The following IL1RL2 variants were observed in gnomAD, a reference collection of about 807,000 sequenced individuals.
IL1RL2 encodes interleukin-1 receptor-like 2.
IL1RL2 carries 68 observed loss-of-function variants against 66.8 expected under a neutral mutation model. The ratio of observed to expected loss-of-function variants is 1.02; its 90% confidence interval spans 0.84 to 1.25. The LOEUF (loss-of-function observed/expected upper bound fraction) is 1.25. IL1RL2 is among the 50% of genes most tolerant of loss of function. IL1RL2 has a pLI of 0.00. For synonymous variants in IL1RL2, 305 were observed against 264.6 expected (o/e 1.15, Z -1.48); for missense variants, 729 against 709.3 (o/e 1.03, Z -0.32).
chr2:102,216,426 C>T (rs766865132), intron 6 of IL1RL2, among the ~76,000 whole-genome samples: 11 of 151,966 alleles, frequency 7.2e-5, no homozygotes, highest in East Asian at 1.9e-4. Context: ...CTTCACTTTT[C>T]GTGTATATGT....
chr2:102,235,037 G>C lies in IL1RL2; in HGVS notation c.1438G>C (p.Gly480Arg). 1.2e-6 allele frequency: 2 copies of C among 1,614,152 alleles called. No individual in the cohort carries two copies. Among genetic ancestry groups the C allele is most frequent in the South Asian group, 1.1e-5 (1 of 91,088 alleles). ...IAVYSALIQDGMKVILIELEK... is the reference protein window; with the variant it reads ...IAVYSALIQDRMKVILIELEK... ...GGTCTACAGTGCCCTGATCCAGGAC[G>C]GGATGAAGGTTATTCTCATTGAGCT... Residue 480 changes from glycine (G) to arginine (R), a missense_variant, in exon 11 of 12, where the codon GGG (glycine) becomes CGG (arginine). Physicochemically the swap from Gly to Arg is moderately radical, Grantham distance 125. Coordinates refer to ENST00000264257, the MANE Select transcript of IL1RL2 (RefSeq NM_003854.4).
Position 102,187,027 on chromosome 2 carries a change from G to A in IL1RL2, c.-72G>A, listed in dbSNP as rs1208045825. On this transcript the variant is annotated 5_prime_UTR_variant, in exon 1 of 12. It adds an upstream start codon to the 5' untranslated region. Coordinates refer to ENST00000264257, the MANE Select transcript of IL1RL2 (RefSeq NM_003854.4). ...GCATGGAAGTGGCATGACAGGGCTCGTGTCCCTGTCATATTTTCCACTCTC... is the reference window on the plus strand; with the variant it reads ...GCATGGAAGTGGCATGACAGGGCTCATGTCCCTGTCATATTTTCCACTCTC... 7.8e-6 allele frequency: 10 copies of A among 1,289,746 alleles called. No individual in the cohort carries two copies. Among genetic ancestry groups the A allele is most frequent in the Admixed American group, 4.6e-5 (2 of 43,564 alleles). The allele number at this position is 1,289,746 out of a possible 1,614,324, so 79.9% of individuals were successfully genotyped here.
Position 102,188,958 on chromosome 2 carries a change from C to G in IL1RL2, c.59-118C>G, listed in dbSNP as rs539217789. ...AGGAAACTTCCAGACTCAAGAAACT[C>G]CCAAATAAAATTTCAAATTGGCTGG... On this transcript the variant is annotated intron_variant, in intron 2 of 11. Coordinates refer to ENST00000264257, the MANE Select transcript of IL1RL2 (RefSeq NM_003854.4). The G allele has an allele frequency of 4.3e-6, 3 of 699,928 alleles. No individual in the cohort carries two copies. In the African/African-American group the frequency reaches 5.4e-5, roughly 13 times the overall value. 43.4% of individuals were successfully genotyped at this position (699,928 alleles called of 1,614,324 possible).
downstream of IL1RL2, among the ~76,000 whole-genome samples, chr2:102,241,233 T>C (rs1675223191): frequency 6.6e-6 from 1 of 152,252 alleles, no homozygotes; most frequent in African/African-American, 2.4e-5. Context: ...TTCCTAACTC[T>C]TGGGCTTCTG....
intron 8 of IL1RL2, among the ~76,000 whole-genome samples, chr2:102,223,071 T>G (rs1298982614): frequency 6.6e-6 from 1 of 152,206 alleles, no homozygotes; most frequent in Non-Finnish European, 1.5e-5. Context: ...GTCAAGCTTG[T>G]GGAGGGATGG....
chr2:102,201,049 A>G (rs1470406498), intron 4 of IL1RL2, among the ~76,000 whole-genome samples: 1 of 152,082 alleles, frequency 6.6e-6, no homozygotes, highest in Non-Finnish European at 1.5e-5. Flanking sequence ...AGCAGTTGTT[A>G]TTCACCTGGG....
chr2:102,230,782 G>A (rs1234930146), intron 9 of IL1RL2, among the ~76,000 whole-genome samples: 1 of 152,202 alleles, frequency 6.6e-6, no homozygotes, highest in Non-Finnish European at 1.5e-5. Flanking sequence ...ACCATTCTCT[G>A]TAAGAGATGG....
intron 4 of IL1RL2, among the ~76,000 whole-genome samples, chr2:102,200,998 G>A (rs1344368508): frequency 6.6e-6 from 1 of 152,150 alleles, no homozygotes; most frequent in Non-Finnish European, 1.5e-5. Context: ...TCCAATGCTT[G>A]ATAAGTGCAG....
chr2:102,220,677 G>A (rs532105737), intron 8 of IL1RL2, among the ~76,000 whole-genome samples: 6 of 115,838 alleles, frequency 5.2e-5, no homozygotes, highest in Admixed American at 4.8e-4. Context: ...TATCATTAGT[G>A]TATGTGTGTG....
chr2:102,235,975 C>T, intron 11 of IL1RL2: 1 of 981,156 alleles, frequency 1.0e-6, no homozygotes, highest in Non-Finnish European at 1.2e-6. Context: ...TTCCTTTTCT[C>T]TCTCTTTTAG....
intron 7 of IL1RL2, 74 bp from the exon 8 acceptor site, chr2:102,219,807 T>C: frequency 7.1e-7 from 1 of 1,415,946 alleles, no homozygotes; most frequent in South Asian, 1.3e-5. Flanking sequence ...ACACTTTATC[T>C]CCAGAAAACA....
intron 8 of IL1RL2, among the ~76,000 whole-genome samples, chr2:102,223,866 G>A (rs1268416752): frequency 6.6e-6 from 1 of 152,202 alleles, no homozygotes. Context: ...GGATGAGGAA[G>A]CAGGAAGGAT....
intron 5 of IL1RL2, among the ~76,000 whole-genome samples, chr2:102,209,607 G>T (rs1316390440): frequency 1.3e-5 from 2 of 152,200 alleles, no homozygotes; most frequent in Admixed American, 1.3e-4. Flanking sequence ...AGGTCATGGA[G>T]TTAAGCAGGG....
intron 10 of IL1RL2, among the ~76,000 whole-genome samples, chr2:102,234,438 A>T (rs1674659648): frequency 7.5e-6 from 1 of 134,092 alleles, no homozygotes; most frequent in Admixed American, 8.0e-5. Context: ...GACAAATATT[A>T]AAAAAAAGAA....
intron 11 of IL1RL2, among the ~76,000 whole-genome samples, chr2:102,236,126 T>C (rs536088830): frequency 3.3e-5 from 5 of 152,314 alleles, no homozygotes; most frequent in African/African-American, 1.2e-4. Flanking sequence ...AACTTAATGA[T>C]TAAAGGTTTT....
chr2:102,187,859 G>A lies in IL1RL2; in HGVS notation c.-9G>A. The A allele has an allele frequency of 6.4e-7, 1 of 1,556,632 alleles. No individual in the cohort carries two copies. Among genetic ancestry groups the A allele is most frequent in the Non-Finnish European group, 8.7e-7 (1 of 1,144,636 alleles). On this transcript the variant is annotated 5_prime_UTR_variant, in exon 2 of 12. Coordinates refer to ENST00000264257, the MANE Select transcript of IL1RL2 (RefSeq NM_003854.4). The stretch of plus-strand genomic sequence containing the variant: ...CCCTCTTCTCCCTTCCTTGCAGCCC[G>A]GTTTGGGGATGTGGTCCTTGCTGCT...
Position 102,234,563 on chromosome 2 carries a change from G to A in IL1RL2, c.1298-334G>A, listed in dbSNP as rs527649409. On this transcript the variant is annotated intron_variant, in intron 10 of 11. Transcript: ENST00000264257. ...AACCCCAGCACCTTGAGAGGCCGAG[G>A]TGGGCAGATCACTTGAGGTCAGGAG... is the stretch of plus-strand genomic sequence containing the variant. Among the ~76,000 whole-genome samples the A allele has an allele frequency of 2.0e-5, 3 of 152,306 alleles. No individual in the cohort carries two copies. The East Asian group carries it at 5.8e-4, about 29-fold the overall frequency.
chr2:102,219,219 G>A (rs1689878319), intron 7 of IL1RL2, 137 bp downstream of exon 7: 1 of 956,976 alleles, frequency 1.0e-6, no homozygotes, highest in South Asian at 1.4e-5. Context: ...CTATCACATA[G>A]TTAGGGAGAT....
In IL1RL2 at chr2:102,192,069, T is replaced by C; in HGVS notation, c.438T>C (p.Cys146=). 1 of 1,607,402 alleles carries C rather than the reference T, an allele frequency of 6.2e-7. No homozygotes were observed. Among genetic ancestry groups the C allele is most frequent in the Non-Finnish European group, 8.5e-7 (1 of 1,177,914 alleles). Residue 146 remains cysteine, a synonymous_variant, in exon 4 of 12, where the codon TGT becomes TGC. Transcript: ENST00000264257. ...LHLGKDDSLT[C]HLHFPKSCVL... ...TTGGAAAAGATGATAGTCTCACATG[T>C]CATCTGCACTTCCCGAAGAGTTGTG...
Sources: allele counts gnomAD v4.1 joint callset (sites outside exome capture counted in the v4.1 genomes callset), GRCh38; gene constraint gnomAD v4.1.1; transcripts MANE v1.5; gene names NCBI Gene and HGNC (gene_info 2026-07-23, HGNC 2026-07-21).